Variants in BRINP3 observed in about 807,000 individuals in gnomAD.
BRINP3 encodes the protein BMP/retinoic acid-inducible neural-specific protein 3.
In BRINP3, 19 loss-of-function variants were observed where a neutral mutation model predicts 71.0. The observed-to-expected ratio is 0.27, with a 90% CI of 0.19 to 0.39. The LOEUF is 0.39. BRINP3 is among the 10% of genes least tolerant of loss of function. The probability of loss-of-function intolerance (pLI) is 1.00; values close to 1 mark genes in which losing one functional copy is unlikely to be tolerated. For synonymous variants in BRINP3, 380 were observed against 337.7 expected (o/e 1.13, Z -1.37); for missense variants, 959 against 940.8 (o/e 1.02, Z -0.25).
At chr1:190,230,110 C>T (rs1039243911) in intron 5 of BRINP3, among the ~76,000 whole-genome samples, 7 of 151,032 alleles carry the variant, frequency 4.6e-5, no homozygotes, top group African/African-American at 7.3e-5. Context: ...CAGAAGAATA[C>T]GTTTAAAAGG....
At chr1:190,428,723 T>G (rs1267196380) in intron 2 of BRINP3, among the ~76,000 whole-genome samples, 3 of 152,098 alleles carry the variant, frequency 2.0e-5, no homozygotes, top group Admixed American at 6.6e-5. Flanking sequence ...CTACTTACCT[T>G]GATTTGATCT....
At chr1:190,397,973 C>T (rs1041403013) in intron 2 of BRINP3, among the ~76,000 whole-genome samples, 4 of 151,776 alleles carry the variant, frequency 2.6e-5, no homozygotes, top group African/African-American at 4.8e-5. Flanking sequence ...GAATTAATAT[C>T]GTGTTCAGTG....
At chr1:190,114,598 T>C (rs2102294751) in intron 7 of BRINP3, among the ~76,000 whole-genome samples, 1 of 151,788 alleles carries the variant, frequency 6.6e-6, no homozygotes, top group African/African-American at 2.4e-5. Flanking sequence ...CTCTTCTAAA[T>C]ACATTGTAAT....
intron 2 of BRINP3, among the ~76,000 whole-genome samples, chr1:190,440,643 G>T (rs1254081270): frequency 1.3e-5 from 2 of 151,958 alleles, no homozygotes; most frequent in Admixed American, 6.6e-5. Flanking sequence ...TTTGTACAAA[G>T]AGTAAATGGT....
chr1:190,222,006 T>C (rs969061631), intron 6 of BRINP3, among the ~76,000 whole-genome samples: 4 of 151,782 alleles, frequency 2.6e-5, no homozygotes, highest in Non-Finnish European at 5.9e-5. Flanking sequence ...AATGAACATA[T>C]CATCCAGACA....
At chr1:190,454,207 G>A (rs926127325) in intron 2 of BRINP3, among the ~76,000 whole-genome samples, 4 of 151,916 alleles carry the variant, frequency 2.6e-5, no homozygotes, top group Non-Finnish European at 4.4e-5. Flanking sequence ...GCTTCTGAAC[G>A]TACAATTACC....
At chr1:190,379,007 A>G (rs1158250151) in intron 2 of BRINP3, among the ~76,000 whole-genome samples, 1 of 152,206 alleles carries the variant, frequency 6.6e-6, no homozygotes, top group African/African-American at 2.4e-5. Context: ...TTCCTTCAGC[A>G]TTTATGAACC....
At chr1:190,466,861 C>T (rs942247496) in intron 1 of BRINP3, among the ~76,000 whole-genome samples, 6 of 150,890 alleles carry the variant, frequency 4.0e-5, no homozygotes, top group Admixed American at 6.6e-5. Flanking sequence ...ATAAAACACT[C>T]GTAATGTTAA....
Position 190,316,704 on chromosome 1 carries a change from C to T in BRINP3, c.237-34954G>A, listed in dbSNP as rs190859160. ...CTAAAATCTCAAATCCATTTCAATT[C>T]TAAACAAAAACACATCAATAATATT... On this transcript the variant is annotated intron_variant, in intron 2 of 7. Transcript: ENST00000367462. 2.6e-5 allele frequency among the ~76,000 whole-genome samples: 4 copies of T among 152,128 alleles called. 1 individual carries two copies. Among genetic ancestry groups the T allele is most frequent in the South Asian group, 4.2e-4 (2 of 4,816 alleles).
intron 2 of BRINP3, chr1:190,302,645 C>T (rs2103002030): frequency 6.6e-6 from 1 of 151,898 alleles, no homozygotes; most frequent in African/African-American, 2.4e-5. Context: ...TTATGCAGTA[C>T]ATGCACCATG....
chr1:190,372,144 T>A (rs770435947), intron 2 of BRINP3, among the ~76,000 whole-genome samples: 3 of 152,076 alleles, frequency 2.0e-5, no homozygotes, highest in Non-Finnish European at 4.4e-5. Context: ...ACAACAGTAA[T>A]CCAGACCTCA....
chr1:190,337,795 T>C (rs1245774525), intron 2 of BRINP3, among the ~76,000 whole-genome samples: 1 of 152,084 alleles, frequency 6.6e-6, no homozygotes, highest in Non-Finnish European at 1.5e-5. Context: ...ATCCTATTAG[T>C]CCTGTTCTTC....
chr1:190,344,153 A>T (rs1254986013), intron 2 of BRINP3, among the ~76,000 whole-genome samples: 2 of 151,848 alleles, frequency 1.3e-5, no homozygotes, highest in Non-Finnish European at 3.0e-5. Flanking sequence ...TATTACTAAT[A>T]TAAAAAATAA....
chr1:190,225,233 C>A (rs1239713327), intron 6 of BRINP3, among the ~76,000 whole-genome samples: 1 of 151,980 alleles, frequency 6.6e-6, no homozygotes, highest in African/African-American at 2.4e-5. Flanking sequence ...AACTGCCCAT[C>A]AGTGGATGAA....
At chr1:190,465,860 A>G (rs1401602844) in intron 1 of BRINP3, among the ~76,000 whole-genome samples, 1 of 151,934 alleles carries the variant, frequency 6.6e-6, no homozygotes, top group Non-Finnish European at 1.5e-5. Flanking sequence ...CTACCAAAAC[A>G]GTAAAACAGA....
At chr1:190,225,794 A>G (rs977404965) in intron 6 of BRINP3, among the ~76,000 whole-genome samples, 1 of 151,966 alleles carries the variant, frequency 6.6e-6, no homozygotes, top group Admixed American at 6.6e-5. Flanking sequence ...CAGAGGTATC[A>G]GATGATAACT....
rs138784833 is a variant in BRINP3 at position 190,290,672 on chromosome 1, C to A, written c.237-8922G>T. 6.6e-3 allele frequency among the ~76,000 whole-genome samples: 998 copies of A among 152,150 alleles called. 6 individuals carry two copies. Among genetic ancestry groups the A allele is most frequent in the African/African-American group, 0.021 (886 of 41,524 alleles). On this transcript the variant is annotated intron_variant, in intron 2 of 7. Coordinates refer to ENST00000367462, the MANE Select transcript of BRINP3 (RefSeq NM_199051.3). ...ATTAGACTTGTTTCTAAGCGATCAA[C>A]CTATGAATTTTAAACTATGGCACTG... is the stretch of plus-strand genomic sequence containing the variant.
At chr1:190,331,608 T>C (rs1666968620) in intron 2 of BRINP3, among the ~76,000 whole-genome samples, 2 of 152,076 alleles carry the variant, frequency 1.3e-5, no homozygotes. Flanking sequence ...AGGAGTGATG[T>C]GTTCCTTTCA....
intron 2 of BRINP3, among the ~76,000 whole-genome samples, chr1:190,322,043 T>A (rs963739833): frequency 6.6e-6 from 1 of 151,974 alleles, no homozygotes; most frequent in Non-Finnish European, 1.5e-5. Context: ...TGCATATATA[T>A]GTGTGCATAT....
Sources: gnomAD v4.1 joint callset for allele counts (sites outside exome capture counted in the v4.1 genomes callset) on GRCh38, gnomAD v4.1.1 for gene constraint, MANE v1.5 for transcripts, NCBI Gene and HGNC (gene_info 2026-07-23, HGNC 2026-07-21) for gene names.